The following ZCCHC17 variants were observed in gnomAD, a reference collection of about 807,000 sequenced individuals.
The protein encoded by ZCCHC17 is zinc finger CCHC-type containing 17.
Under a neutral mutation model 30.6 loss-of-function variants are expected in ZCCHC17, and 18 were observed. The observed-to-expected ratio is 0.59, with a 90% CI of 0.41 to 0.87. The LOEUF is 0.87. ZCCHC17 is among the 40% of genes least tolerant of loss of function. The pLI, the probability that ZCCHC17 is intolerant of heterozygous loss-of-function variation, is 0.00. For missense variants in ZCCHC17, 263 were observed against 284.2 expected (o/e 0.93, Z 0.54); for synonymous variants, 88 against 92.4 (o/e 0.95, Z 0.27).
intron 5 of ZCCHC17, among the ~76,000 whole-genome samples, chr1:31,343,672 T>C (rs2148461454): frequency 7.0e-6 from 1 of 143,002 alleles, no homozygotes; most frequent in Non-Finnish European, 1.5e-5. Flanking sequence ...AAGATCAGAA[T>C]TGAGTGTAGT....
chr1:31,329,641 C>CT (rs759148437), intron 3 of ZCCHC17, among the ~76,000 whole-genome samples: 51 of 152,126 alleles, frequency 3.4e-4, no homozygotes, highest in Non-Finnish European at 7.1e-4. Context: ...TGTTGTTGCA[C>CT]TTAGTCCATG....
intron 1 of ZCCHC17, among the ~76,000 whole-genome samples, chr1:31,299,854 A>G (rs1482359266): frequency 2.0e-5 from 3 of 152,154 alleles, no homozygotes; most frequent in Admixed American, 2.0e-4. Context: ...ATGATGGGCT[A>G]TGGAATCTAA....
chr1:31,339,960 C>CTTTGTTTTTTTTT (rs1638973680), intron 5 of ZCCHC17, among the ~76,000 whole-genome samples: 2 of 90,402 alleles, frequency 2.2e-5, no homozygotes, highest in Non-Finnish European at 4.5e-5. Context: ...TCTTGGATTT[C>CTTTGTTTTTTTTT]TTTTTTTTTT....
intron 3 of ZCCHC17, among the ~76,000 whole-genome samples, chr1:31,330,207 G>A (rs1265338586): frequency 6.6e-6 from 1 of 152,152 alleles, no homozygotes; most frequent in Non-Finnish European, 1.5e-5. Flanking sequence ...TGAACCTAAC[G>A]CAGTTGGGGT....
chr1:31,312,005 C>T (rs1646616659), intron 2 of ZCCHC17, among the ~76,000 whole-genome samples: 1 of 152,182 alleles, frequency 6.6e-6, no homozygotes, highest in Admixed American at 6.5e-5. Context: ...CCAAAGGACA[C>T]AGGAATAAGG....
intron 2 of ZCCHC17, among the ~76,000 whole-genome samples, chr1:31,314,559 A>G (rs1646685699): frequency 6.6e-6 from 1 of 152,170 alleles, no homozygotes; most frequent in Non-Finnish European, 1.5e-5. Flanking sequence ...GACTCTTCTC[A>G]GAAGTTAAGT....
chr1:31,339,956 A>ATTTTTTTTTTTT (rs1258794486), intron 5 of ZCCHC17, among the ~76,000 whole-genome samples: 1 of 58,648 alleles, frequency 1.7e-5, no homozygotes, highest in African/African-American at 5.2e-5. Flanking sequence ...TCTTTCTTGG[A>ATTTTTTTTTTTT]TTTCTTTTTT....
intron 3 of ZCCHC17, among the ~76,000 whole-genome samples, chr1:31,327,451 C>T (rs897557515): frequency 5.3e-5 from 8 of 152,172 alleles, no homozygotes; most frequent in African/African-American, 1.4e-4. Flanking sequence ...TTACTTTCCA[C>T]GGTTTCAGTT....
rs376935357 is a variant in ZCCHC17, at chr1:31,337,286, G to T, written c.225+11G>T. The T allele has an allele frequency of 1.9e-6, 3 of 1,610,882 alleles. No individual in the cohort carries two copies. In the South Asian group the frequency reaches 3.3e-5, roughly 18 times the overall value. On this transcript the variant is annotated intron_variant, in intron 4 of 7. Transcript: ENST00000344147. ...CTTATTGGCCGAGAGGTAAAGTTCTGTGCGGCTCCCTTGTGGTTAGAAAGG... is the reference window on the plus strand; with the variant it reads ...CTTATTGGCCGAGAGGTAAAGTTCTTTGCGGCTCCCTTGTGGTTAGAAAGG...
At chr1:31,340,982 G>A (rs1639028453) in intron 5 of ZCCHC17, among the ~76,000 whole-genome samples, 1 of 152,160 alleles carries the variant, frequency 6.6e-6, no homozygotes, top group Non-Finnish European at 1.5e-5. Context: ...ATAACAACCT[G>A]CAAAGTGGAT....
chr1:31,306,147 C>T (rs946196393), intron 1 of ZCCHC17, among the ~76,000 whole-genome samples: 3 of 152,084 alleles, frequency 2.0e-5, no homozygotes, highest in Non-Finnish European at 4.4e-5. Context: ...TTTCAGACAT[C>T]GAAGATTCAT....
intron 7 of ZCCHC17, among the ~76,000 whole-genome samples, chr1:31,354,707 T>A (rs1639581998): frequency 6.6e-6 from 1 of 152,204 alleles, no homozygotes; most frequent in Non-Finnish European, 1.5e-5. Flanking sequence ...AAAGCTGCTT[T>A]GAGATATGTA....
chr1:31,311,689 C>G (rs1037226110), intron 2 of ZCCHC17, among the ~76,000 whole-genome samples: 1 of 152,176 alleles, frequency 6.6e-6, no homozygotes, highest in African/African-American at 2.4e-5. Context: ...CTCACCCTTT[C>G]GAGCCCTTTT....
intron 7 of ZCCHC17, among the ~76,000 whole-genome samples, chr1:31,356,500 T>G (rs1460504628): frequency 1.3e-5 from 2 of 152,212 alleles, no homozygotes; most frequent in Non-Finnish European, 2.9e-5. Context: ...AAATAATGCC[T>G]GGTACTTAAT....
At chr1:31,339,908 A>G (rs1007118438) in intron 5 of ZCCHC17, among the ~76,000 whole-genome samples, 5 of 149,424 alleles carry the variant, frequency 3.3e-5, no homozygotes, top group Non-Finnish European at 7.4e-5. Flanking sequence ...ATGTAGGACA[A>G]TGTCTGGCAA....
intron 3 of ZCCHC17, among the ~76,000 whole-genome samples, chr1:31,320,975 A>G (rs1646846227): frequency 6.6e-6 from 1 of 152,144 alleles, no homozygotes; most frequent in African/African-American, 2.4e-5. Flanking sequence ...TGGCCATCCT[A>G]ATGGATGTGC....
intron 1 of ZCCHC17, among the ~76,000 whole-genome samples, chr1:31,300,786 A>T (rs1222621978): frequency 2.6e-5 from 4 of 152,116 alleles, no homozygotes; most frequent in Non-Finnish European, 4.4e-5. Context: ...AAATATAAAA[A>T]TCAGCTGGGC....
intron 1 of ZCCHC17, among the ~76,000 whole-genome samples, chr1:31,304,631 T>A (rs943101008): frequency 3.3e-5 from 5 of 151,328 alleles, no homozygotes; most frequent in African/African-American, 9.7e-5. Context: ...ACTCTCGCTC[T>A]GTCGCCCAGG....
At position 31,348,809 on chromosome 1, in the gene ZCCHC17, T is replaced by C; in HGVS notation, c.419-20T>C. The C allele has an allele frequency of 1.2e-6, 2 of 1,612,132 alleles. No individual in the cohort carries two copies. The highest frequency in any genetic ancestry group is 1.7e-6 in the Non-Finnish European group (2 of 1,179,954). On this transcript the variant is annotated intron_variant, in intron 6 of 7. Transcript: ENST00000344147. The stretch of plus-strand genomic sequence containing the variant: ...GAGACTACTTCCTTTTTCTATACCT[T>C]TTCTACTTTTCTTCTGCAGGCCACT...
Sources: gnomAD v4.1 joint callset for allele counts (sites outside exome capture counted in the v4.1 genomes callset) on GRCh38, gnomAD v4.1.1 for gene constraint, MANE v1.5 for transcripts, NCBI Gene and HGNC (gene_info 2026-07-23, HGNC 2026-07-21) for gene names.